The following ZNF516 variants were observed in gnomAD, a reference collection of about 807,000 sequenced individuals.
ZNF516 encodes zinc finger protein 516.
ZNF516 carries 19 observed loss-of-function variants against 79.7 expected under a neutral mutation model. The ratio of observed to expected loss-of-function variants is 0.24; its 90% CI spans 0.17 to 0.35. The LOEUF is 0.35. ZNF516 is among the 10% of genes least tolerant of loss of function. ZNF516 has a pLI of 1.00. For synonymous variants in ZNF516, 877 were observed against 739.5 expected, an observed-to-expected ratio of 1.19 and a Z score of -3.02; for missense variants, 1,678 against 1,679.5, an observed-to-expected ratio of 1.00 and a Z score of 0.02.
intron 1 of ZNF516, among the ~76,000 whole-genome samples, chr18:76,483,795 T>A (rs572866743): frequency 6.6e-6 from 1 of 152,322 alleles, no homozygotes; most frequent in East Asian, 1.9e-4. Flanking sequence ...AAAACCTGTA[T>A]CCTGGCACCC....
intron 1 of ZNF516, chr18:76,487,875 C>CTT: frequency 1.0e-6 from 1 of 958,756 alleles, no homozygotes; most frequent in Non-Finnish European, 1.2e-6. Flanking sequence ...TGCCACTACA[C>CTT]TTTCGGCCAG....
At chr18:76,480,409 G>A (rs1914440848) in intron 1 of ZNF516, among the ~76,000 whole-genome samples, 1 of 151,982 alleles carries the variant, frequency 6.6e-6, no homozygotes, top group Non-Finnish European at 1.5e-5. Flanking sequence ...AGGCCCGCGG[G>A]CCAAACTCTT....
chr18:76,369,277 T>C (rs981918549), intron 6 of ZNF516, among the ~76,000 whole-genome samples: 10 of 152,330 alleles, frequency 6.6e-5, no homozygotes, highest in East Asian at 5.8e-4. Context: ...TAAGTTGTCA[T>C]AGTATTGGGT....
intron 3 of ZNF516, chr18:76,386,440 A>AGGGGGATGGGAGGTGAG: frequency 6.6e-6 from 1 of 152,348 alleles, no homozygotes; most frequent in Non-Finnish European, 1.5e-5. Flanking sequence ...CTGACAAGGA[A>AGGGGGATGGGAGGTGAG]GGGGGATGGG....
chr18:76,362,231 G>C lies in ZNF516; in HGVS notation c.*267C>G, dbSNP rs1479208846. ...TATTATAAGAAAATATGGGACTATG[G>C]ACGATGAGCACGTAAATGCGTATAT... is the stretch of plus-strand genomic sequence containing the variant. On this transcript the variant is annotated 3_prime_UTR_variant, in exon 7 of 7. Transcript: ENST00000443185. The C allele has an allele frequency of 3.0e-5, 12 of 405,044 alleles. No homozygotes were observed. In the East Asian group the frequency reaches 4.4e-4, roughly 15 times the overall value. The allele number at this position is 405,044 out of a possible 1,614,324, so 25.1% of individuals were successfully genotyped here. A position where few individuals can be genotyped will look rare whatever the true frequency, so the allele number is the denominator to read the frequency against.
At chr18:76,375,279 T>C (rs993241618) in intron 4 of ZNF516, among the ~76,000 whole-genome samples, 2 of 151,904 alleles carry the variant, frequency 1.3e-5, no homozygotes, top group Non-Finnish European at 2.9e-5. Flanking sequence ...AAATAGAGGA[T>C]GGATGTGAAG....
At chr18:76,453,818 A>G (rs762388239) in intron 2 of ZNF516, among the ~76,000 whole-genome samples, 5 of 152,220 alleles carry the variant, frequency 3.3e-5, no homozygotes, top group Non-Finnish European at 7.3e-5. Context: ...TGCTTTTTCG[A>G]AATTTCTATG....
intron 3 of ZNF516, among the ~76,000 whole-genome samples, chr18:76,399,343 A>G (rs1489200070): frequency 1.3e-5 from 2 of 152,238 alleles, no homozygotes; most frequent in South Asian, 4.1e-4. Flanking sequence ...CACCTTCAAC[A>G]ATATTTTCAG....
intron 1 of ZNF516, among the ~76,000 whole-genome samples, chr18:76,475,811 A>C (rs896984667): frequency 6.6e-6 from 1 of 152,220 alleles, no homozygotes; most frequent in Non-Finnish European, 1.5e-5. Flanking sequence ...ATTAAAAAAA[A>C]ATTAGTTGCA....
chr18:76,441,870 G>T lies in ZNF516; in HGVS notation c.1185C>A (p.Gly395=). The T allele has an allele frequency of 6.3e-7, 1 of 1,582,894 alleles. No individual in the cohort carries two copies. The change falls in exon 3 of 7, where the codon GGC becomes GGA. Residue 395 remains glycine (G), a synonymous_variant. Coordinates refer to ENST00000443185, the MANE Select transcript of ZNF516 (RefSeq NM_014643.4). ...QCLNLRPSAA[G]DSCPGTQAGR... is the part of the protein sequence containing the mutation. ...CGGCCTGCGTGCCAGGGCACGAGTC[G>T]CCGGCCGCCGACGGCCTCAGGTTCA...
At chr18:76,412,972 G>A (rs921809812) in intron 3 of ZNF516, among the ~76,000 whole-genome samples, 1 of 152,176 alleles carries the variant, frequency 6.6e-6, no homozygotes, top group Non-Finnish European at 1.5e-5. Context: ...ACGCCACCGC[G>A]GCCCACAGTG....
chr18:76,448,176 T>C (rs188562124), intron 2 of ZNF516, among the ~76,000 whole-genome samples: 1 of 152,194 alleles, frequency 6.6e-6, no homozygotes, highest in Non-Finnish European at 1.5e-5. Flanking sequence ...CATGTAAACA[T>C]CAAAAACATC....
chr18:76,496,135 C>T, upstream of ZNF516: 1 of 378,790 alleles, frequency 2.6e-6, no homozygotes, highest in East Asian at 1.1e-4. Context: ...CAGGGATGGC[C>T]GGGGTGGGGG....
chr18:76,409,765 C>G (rs1317603031), intron 3 of ZNF516, among the ~76,000 whole-genome samples: 1 of 152,192 alleles, frequency 6.6e-6, no homozygotes, highest in Admixed American at 6.5e-5. Context: ...TGCAGCTAGG[C>G]TTTGCTACAA....
chr18:76,405,906 G>A (rs540665448), intron 3 of ZNF516, among the ~76,000 whole-genome samples: 4 of 152,142 alleles, frequency 2.6e-5, no homozygotes, highest in East Asian at 2.0e-4. Flanking sequence ...AACCCCATCC[G>A]TCAGGGACCC....
At chr18:76,462,028 C>G (rs981799596) in intron 2 of ZNF516, among the ~76,000 whole-genome samples, 4 of 152,266 alleles carry the variant, frequency 2.6e-5, no homozygotes, top group African/African-American at 9.6e-5. Context: ...GGCTCCCACC[C>G]TTCCCACATC....
intron 1 of ZNF516, among the ~76,000 whole-genome samples, chr18:76,485,806 A>G (rs1914795529): frequency 6.6e-6 from 1 of 151,662 alleles, no homozygotes; most frequent in Non-Finnish European, 1.5e-5. Flanking sequence ...CCAGGGCCGC[A>G]CCACAGAAGC....
Position 76,442,765 on chromosome 18 carries a change from G to A in ZNF516, c.290C>T (p.Ala97Val), listed in dbSNP as rs1911788351. 6 of 1,593,212 alleles carry A rather than the reference G, an allele frequency of 3.8e-6. No individual in the cohort carries two copies. The South Asian group carries it at 4.5e-5, about 12-fold the overall frequency. Residue 97 changes from alanine (A) to valine (V), a missense_variant, in exon 3 of 7, where the codon GCG (alanine) becomes GTG (valine). Around this residue, in one of 5 missense-constraint regions of ZNF516, gnomAD observed 279 missense variants for 254.1 expected, o/e 1.10. Transcript: ENST00000443185. ...GTLIQGHEPE[A>V]GEAPLGEMRA... ...CATCTCACCCAGCGGCGCCTCGCCC[G>A]CCTCCGGCTCGTGTCCCTGAATCAG...
chr18:76,419,282 G>GT (rs2075476613), intron 3 of ZNF516, among the ~76,000 whole-genome samples: 2 of 152,202 alleles, frequency 1.3e-5, no homozygotes, highest in Non-Finnish European at 2.9e-5. Context: ...TGTGTTAGGT[G>GT]TATGTGTGTA....
Sources: allele counts gnomAD v4.1 joint callset (sites outside exome capture counted in the v4.1 genomes callset), GRCh38; gene constraint gnomAD v4.1.1; regional missense constraint gnomAD v4.1.1; transcripts MANE v1.5; gene names NCBI Gene and HGNC (gene_info 2026-07-23, HGNC 2026-07-21).